Variants in DENND2A observed in about 807,000 individuals in gnomAD.
The protein encoded by DENND2A is DENN domain containing 2A.
A neutral mutation model predicts 105.3 loss-of-function variants in DENND2A; 53 were observed. The ratio of observed to expected loss-of-function variants is 0.50; its 90% CI spans 0.40 to 0.63. The LOEUF (loss-of-function observed/expected upper bound fraction) is 0.63. DENND2A is among the 30% of genes least tolerant of loss of function. The pLI is 0.00. For missense variants in DENND2A, 1,138 were observed against 1,279.6 expected, an observed-to-expected ratio of 0.89 and a Z score of 1.69; for synonymous variants, 522 against 508.4, an observed-to-expected ratio of 1.03 and a Z score of -0.36.
At chr7:140,618,669 T>G (rs1800172002) in intron 1 of DENND2A, among the ~76,000 whole-genome samples, 1 of 152,234 alleles carries the variant, frequency 6.6e-6, no homozygotes, top group Non-Finnish European at 1.5e-5. Flanking sequence ...TGCTCACCTC[T>G]TCAAGATCAG....
chr7:140,601,454 G>C lies in DENND2A; in HGVS notation c.944C>G (p.Ser315Cys). 6.2e-7 allele frequency: 1 copy of C among 1,613,480 alleles called. No individual in the cohort carries two copies. The highest frequency in any genetic ancestry group is 1.1e-5 in the South Asian group (1 of 90,902). ...PPLPSSPPPS[S>C]VNRRLWTGRQ... ...CCCGGTCCACAGTCTTCTGTTCACA[G>C]AGGAAGGTGGGGGAGAGGAGGGCAG... The change falls in exon 3 of 20, where the codon TCT (serine) becomes TGT (cysteine). Residue 315 changes from serine to cysteine, a missense_variant. Coordinates refer to ENST00000496613, the MANE Select transcript of DENND2A (RefSeq NM_015689.5).
intron 1 of DENND2A, among the ~76,000 whole-genome samples, chr7:140,613,277 C>T (rs1428968600): frequency 3.3e-5 from 5 of 151,968 alleles, no homozygotes; most frequent in South Asian, 2.1e-4. Flanking sequence ...CAGTGGCTCA[C>T]GCCTGTAATC....
intron 11 of DENND2A, 46 bp downstream of exon 11, chr7:140,558,097 A>G: frequency 4.5e-6 from 7 of 1,541,142 alleles, no homozygotes; most frequent in Non-Finnish European, 5.4e-6. Flanking sequence ...CACCAGGACT[A>G]GGAAGTCCAC....
At chr7:140,549,994 T>C (rs1280536271) in intron 12 of DENND2A, among the ~76,000 whole-genome samples, 2 of 151,884 alleles carry the variant, frequency 1.3e-5, no homozygotes, top group Admixed American at 6.6e-5. Context: ...ACCCTGAAAA[T>C]ATTATGCTAA....
intron 1 of DENND2A, among the ~76,000 whole-genome samples, chr7:140,617,664 A>C (rs1800134301): frequency 6.6e-6 from 1 of 152,184 alleles, no homozygotes; most frequent in Admixed American, 6.5e-5. Context: ...TAGTGAGCCA[A>C]GATCGCACCA....
chr7:140,621,383 T>C (rs920247282), intron 1 of DENND2A, among the ~76,000 whole-genome samples: 22 of 150,404 alleles, frequency 1.5e-4, no homozygotes. Flanking sequence ...TAATACCCAA[T>C]ACAACCTAAA....
At chr7:140,588,174 G>A (rs1204419900) in intron 3 of DENND2A, among the ~76,000 whole-genome samples, 1 of 152,162 alleles carries the variant, frequency 6.6e-6, no homozygotes, top group Non-Finnish European at 1.5e-5. Flanking sequence ...GCCTCCAAAA[G>A]TGCTGGGATT....
intron 1 of DENND2A, among the ~76,000 whole-genome samples, chr7:140,630,970 G>C (rs556962854): frequency 6.6e-6 from 1 of 152,332 alleles, no homozygotes; most frequent in African/African-American, 2.4e-5. Context: ...TTGGCAGGGG[G>C]AGAGTTAGTG....
intron 3 of DENND2A, among the ~76,000 whole-genome samples, chr7:140,597,809 G>A (rs893622290): frequency 1.1e-4 from 16 of 152,186 alleles, no homozygotes; most frequent in Non-Finnish European, 2.2e-4. Flanking sequence ...GCTGCTGTGG[G>A]AAGCACTGGG....
chr7:140,571,944 T>TA (rs1186319343), intron 6 of DENND2A, among the ~76,000 whole-genome samples: 1 of 152,034 alleles, frequency 6.6e-6, no homozygotes, highest in Non-Finnish European at 1.5e-5. Context: ...CACCACTACT[T>TA]AAAGGTGCAT....
At chr7:140,608,351 C>T (rs28694175) in intron 1 of DENND2A, among the ~76,000 whole-genome samples, 3,670 of 152,260 alleles carry the variant, frequency 0.024, 137 homozygotes, top group African/African-American at 0.082. Flanking sequence ...CTGTAAAAAA[C>T]TGACCTTTCC....
intron 5 of DENND2A, among the ~76,000 whole-genome samples, chr7:140,583,941 A>T (rs1311974622): frequency 1.5e-5 from 2 of 137,858 alleles, no homozygotes; most frequent in Non-Finnish European, 3.1e-5. Context: ...AAAAAAAAAA[A>T]GTCAAATTTC....
chr7:140,592,523 T>G lies in DENND2A; in HGVS notation c.996-4743A>C, dbSNP rs371678425. ...ACCACGCCCAGCTAATTTTTCGTTT[T>G]TAGTAGAGACAGGGTTTTGCCATGT... On this transcript the variant is annotated intron_variant, in intron 3 of 19. Coordinates refer to ENST00000496613, the MANE Select transcript of DENND2A (RefSeq NM_015689.5). Among the ~76,000 whole-genome samples, 11 of 151,774 alleles carry G rather than the reference T, an allele frequency of 7.2e-5. No individual in the cohort carries two copies. The East Asian group carries it at 1.2e-3, about 16-fold the overall frequency.
At chr7:140,630,478 G>A (rs1800695641) in intron 1 of DENND2A, among the ~76,000 whole-genome samples, 2 of 152,056 alleles carry the variant, frequency 1.3e-5, no homozygotes, top group South Asian at 4.1e-4. Flanking sequence ...AGAATAGGAG[G>A]AAGCAGTGAA....
chr7:140,534,758 A>G (rs1796400185), intron 14 of DENND2A, among the ~76,000 whole-genome samples: 1 of 152,114 alleles, frequency 6.6e-6, no homozygotes, highest in African/African-American at 2.4e-5. Flanking sequence ...GAAGACATAG[A>G]AAGAGAGTCC....
intron 3 of DENND2A, among the ~76,000 whole-genome samples, chr7:140,600,751 T>A (rs1238370094): frequency 3.3e-5 from 5 of 152,160 alleles, no homozygotes; most frequent in African/African-American, 1.2e-4. Context: ...GGAGTTTTGC[T>A]CTAAAGCTGG....
At chr7:140,540,997 C>T (rs982985404) in intron 14 of DENND2A, among the ~76,000 whole-genome samples, 5 of 152,150 alleles carry the variant, frequency 3.3e-5, no homozygotes, top group Non-Finnish European at 5.9e-5. Context: ...GGATTACAGG[C>T]GTGAGCCACT....
At chr7:140,622,911 T>C (rs1800350013) in intron 1 of DENND2A, among the ~76,000 whole-genome samples, 2 of 152,146 alleles carry the variant, frequency 1.3e-5, no homozygotes, top group Non-Finnish European at 2.9e-5. Context: ...TCCATATGGC[T>C]GGAGCTGAGT....
chr7:140,558,426 T>G (rs967886892), intron 10 of DENND2A, among the ~76,000 whole-genome samples: 2 of 152,170 alleles, frequency 1.3e-5, no homozygotes, highest in Non-Finnish European at 2.9e-5. Flanking sequence ...CTGGGCACAG[T>G]GGCTCATGCC....
Sources: gnomAD v4.1 joint callset for allele counts (sites outside exome capture counted in the v4.1 genomes callset) on GRCh38, gnomAD v4.1.1 for gene constraint, MANE v1.5 for transcripts, NCBI Gene and HGNC (gene_info 2026-07-23, HGNC 2026-07-21) for gene names.